Variants in WWOX observed in about 807,000 individuals in gnomAD.
The protein encoded by WWOX is WW domain-containing oxidoreductase.
Under a neutral mutation model 46.2 loss-of-function variants are expected in WWOX, and 69 were observed. The observed-to-expected ratio is 1.49, with a 90% CI of 1.23 to 1.82. The LOEUF is 1.82. Ranked by LOEUF, WWOX falls within the 40% of genes most tolerant of loss-of-function variation. The pLI, the probability that WWOX is intolerant of heterozygous loss-of-function variation, is 0.00. For missense variants in WWOX, 919 were observed against 542.6 expected, an observed-to-expected ratio of 1.69 and a Z score of -6.89; for synonymous variants, 359 against 202.6, an observed-to-expected ratio of 1.77 and a Z score of -6.56.
intron 8 of WWOX, among the ~76,000 whole-genome samples, chr16:78,714,842 A>T (rs998578361): frequency 2.6e-5 from 4 of 152,190 alleles, no homozygotes; most frequent in Admixed American, 1.3e-4. Flanking sequence ...GCAGTGAGGA[A>T]CCAGTGAGTG....
intron 5 of WWOX, among the ~76,000 whole-genome samples, chr16:78,334,885 G>A (rs1160685671): frequency 1.4e-5 from 2 of 138,874 alleles, no homozygotes; most frequent in African/African-American, 5.4e-5. Context: ...TGAACAAGAG[G>A]AAGAAAATTA....
chr16:79,012,532 C>G (rs867123821), intron 8 of WWOX, among the ~76,000 whole-genome samples: 2 of 152,088 alleles, frequency 1.3e-5, no homozygotes, highest in Non-Finnish European at 2.9e-5. Flanking sequence ...ACTGCGCAGA[C>G]GGACATATGA....
chr16:78,551,185 G>T (rs777888054), intron 8 of WWOX: 1 of 151,788 alleles, frequency 6.6e-6, no homozygotes, highest in Non-Finnish European at 1.5e-5. Context: ...AACAAATATC[G>T]TGAATATATT....
chr16:78,499,271 G>A (rs1000749352), intron 8 of WWOX, among the ~76,000 whole-genome samples: 12 of 152,146 alleles, frequency 7.9e-5, no homozygotes, highest in African/African-American at 2.9e-4. Flanking sequence ...AGCAAGCTAC[G>A]ATGTTCTTAT....
chr16:78,493,062 A>G (rs62036391), intron 8 of WWOX, among the ~76,000 whole-genome samples: 12,168 of 152,246 alleles, frequency 0.08, 508 homozygotes, highest in African/African-American at 0.098. Flanking sequence ...CCTGCAGAGA[A>G]CAGACTAGCC....
In WWOX at chr16:78,752,354, C is replaced by G. The variant is rs550503016; in HGVS notation, c.1056+319602C>G. On this transcript the variant is annotated intron_variant, in intron 8 of 8. Transcript: ENST00000566780. Reference sequence around the variant, plus strand: ...CCAGGCTAGAGTACAGTGATGCGATCTCAGCTTACTGCAACCTCTGCCTCC... The same window carrying G: ...CCAGGCTAGAGTACAGTGATGCGATGTCAGCTTACTGCAACCTCTGCCTCC... 1.9e-4 allele frequency among the ~76,000 whole-genome samples: 29 copies of G among 152,320 alleles called. No individual in the cohort carries two copies. The South Asian group carries it at 6.0e-3, about 32-fold the overall frequency.
chr16:78,391,046 G>C (rs1031199124), intron 6 of WWOX, among the ~76,000 whole-genome samples: 14 of 152,198 alleles, frequency 9.2e-5, no homozygotes, highest in Non-Finnish European at 1.8e-4. Flanking sequence ...TGTAGTCTTA[G>C]AGCAGAAAAG....
intron 8 of WWOX, among the ~76,000 whole-genome samples, chr16:78,607,175 TAC>T (rs1491133146): frequency 1.3e-5 from 2 of 152,058 alleles, no homozygotes; most frequent in African/African-American, 2.4e-5. Flanking sequence ...ACACAATAAA[TAC>T]ACAGTTAATA....
At chr16:78,677,907 G>C (rs1260596178) in intron 8 of WWOX, among the ~76,000 whole-genome samples, 1 of 152,126 alleles carries the variant, frequency 6.6e-6, no homozygotes, top group Non-Finnish European at 1.5e-5. Context: ...TTTCTAAAAA[G>C]TAGCCCGTTC....
At chr16:79,031,671 C>A (rs1041006225) in intron 8 of WWOX, among the ~76,000 whole-genome samples, 1 of 149,904 alleles carries the variant, frequency 6.7e-6, no homozygotes, top group Non-Finnish European at 1.5e-5. Context: ...TTAATACCAT[C>A]TTTTTTGAAT....
At chr16:78,828,662 T>C (rs954858744) in intron 8 of WWOX, among the ~76,000 whole-genome samples, 13 of 152,216 alleles carry the variant, frequency 8.5e-5, no homozygotes, top group African/African-American at 2.2e-4. Flanking sequence ...CTTCACACTC[T>C]GACCTTTATT....
chr16:78,909,286 T>C (rs1157226995), intron 8 of WWOX, among the ~76,000 whole-genome samples: 1 of 152,202 alleles, frequency 6.6e-6, no homozygotes, highest in Non-Finnish European at 1.5e-5. Flanking sequence ...CAGGCACTTG[T>C]AAATGTTGAG....
intron 5 of WWOX, among the ~76,000 whole-genome samples, chr16:78,304,773 A>G (rs2080101191): frequency 1.3e-5 from 2 of 152,198 alleles, no homozygotes; most frequent in Admixed American, 6.5e-5. Flanking sequence ...CTGAATGGAA[A>G]GGATCTATTC....
chr16:78,810,839 A>G (rs138462071), intron 8 of WWOX, among the ~76,000 whole-genome samples: 62 of 152,336 alleles, frequency 4.1e-4, no homozygotes, highest in African/African-American at 1.4e-3. Context: ...ATGACAGCGC[A>G]AGATCCAAAA....
chr16:78,948,673 A>G (rs867507772), intron 8 of WWOX, among the ~76,000 whole-genome samples: 2 of 151,968 alleles, frequency 1.3e-5, no homozygotes, highest in African/African-American at 2.4e-5. Context: ...TCCAGCCCCT[A>G]TGTCAGGGGA....
chr16:78,103,361 A>G lies in WWOX; in HGVS notation c.107+3476A>G, dbSNP rs368015335. Among the ~76,000 whole-genome samples, 3 of 151,744 alleles carry G rather than the reference A, an allele frequency of 2.0e-5. No homozygotes were observed. The East Asian group carries it at 5.8e-4, about 29-fold the overall frequency. The stretch of plus-strand genomic sequence containing the variant: ...CCATGGTGACTTGCTGCACTTGTCA[A>G]CCCATCACCTAGTTGTTCAGCCCCC... On this transcript the variant is annotated intron_variant, in intron 1 of 8. Transcript: ENST00000566780.
At chr16:78,106,033 C>T (rs1223018964) in intron 1 of WWOX, among the ~76,000 whole-genome samples, 1 of 152,160 alleles carries the variant, frequency 6.6e-6, no homozygotes, top group East Asian at 1.9e-4. Flanking sequence ...ATCTCCTGGG[C>T]TCTAGCGATC....
chr16:78,793,973 C>A (rs188183223), intron 8 of WWOX, among the ~76,000 whole-genome samples: 2 of 152,188 alleles, frequency 1.3e-5, no homozygotes, highest in Admixed American at 6.5e-5. Flanking sequence ...CAGAAAGACC[C>A]ATGCCATATA....
At chr16:78,870,215 C>A (rs1264060198) in intron 8 of WWOX, among the ~76,000 whole-genome samples, 1 of 152,220 alleles carries the variant, frequency 6.6e-6, no homozygotes, top group African/African-American at 2.4e-5. Context: ...CCTCAAGATT[C>A]TGTTGATACA....
Sources: allele counts gnomAD v4.1 joint callset (sites outside exome capture counted in the v4.1 genomes callset), GRCh38; gene constraint gnomAD v4.1.1; transcripts MANE v1.5; gene names NCBI Gene and HGNC (gene_info 2026-07-23, HGNC 2026-07-21).